Variants in TRAIP observed in about 807,000 individuals in gnomAD.
TRAIP encodes the protein TRAF interacting protein.
A neutral mutation model predicts 65.0 loss-of-function variants in TRAIP; 37 were observed. That is an observed-to-expected ratio of 0.57 (90% confidence interval 0.44 to 0.75). The LOEUF is 0.75. Ranked by LOEUF, TRAIP falls within the 30% of genes least tolerant of loss-of-function variation. TRAIP has a pLI of 0.00. For synonymous variants in TRAIP, 187 were observed against 219.1 expected (o/e 0.85, Z 1.29); for missense variants, 481 against 579.4 (o/e 0.83, Z 1.74).
intron 1 of TRAIP, among the ~76,000 whole-genome samples, chr3:49,853,834 G>A (rs1426070605): frequency 6.6e-6 from 1 of 151,758 alleles, no homozygotes; most frequent in East Asian, 1.9e-4. Context: ...GCCACAGAAC[G>A]AGACTCCATC....
chr3:49,836,009 C>T (rs1238358801), intron 10 of TRAIP, among the ~76,000 whole-genome samples: 1 of 151,264 alleles, frequency 6.6e-6, no homozygotes, highest in Admixed American at 6.6e-5. Flanking sequence ...GTCATCCAGG[C>T]TGGAGTACAG....
In TRAIP at chr3:49,829,601, G is replaced by C; in HGVS notation, c.1236+16C>G. The C allele has an allele frequency of 6.2e-7, 1 of 1,614,172 alleles. No individual in the cohort carries two copies. The highest frequency in any genetic ancestry group is 8.5e-7 in the Non-Finnish European group (1 of 1,180,012). On this transcript the variant is annotated intron_variant, in intron 13 of 14. Transcript: ENST00000331456. ...CAAGAGGGCTGGCTCCTGCCACTGTGGGAAGCCACACTCACCACATCTTTG... is the reference window on the plus strand; with the variant it reads ...CAAGAGGGCTGGCTCCTGCCACTGTCGGAAGCCACACTCACCACATCTTTG...
At chr3:49,856,303 G>A (rs2081969093) in intron 1 of TRAIP, 53 bp downstream of exon 1, 1 of 1,515,112 alleles carries the variant, frequency 6.6e-7, no homozygotes, top group Admixed American at 1.7e-5. Context: ...ACACCTCAAG[G>A]CCCTGAAGCG....
intron 7 of TRAIP, among the ~76,000 whole-genome samples, chr3:49,841,597 G>A (rs1430019605): frequency 1.3e-5 from 2 of 152,210 alleles, no homozygotes; most frequent in Non-Finnish European, 1.5e-5. Context: ...AATCCTATGA[G>A]GCAGGTCTAC....
intron 6 of TRAIP, 24 bp downstream of exon 6, chr3:49,842,429 T>C (rs1327700703): frequency 6.2e-7 from 1 of 1,612,272 alleles, no homozygotes; most frequent in African/African-American, 1.3e-5. Context: ...AAAGGCACAG[T>C]GCAGGACCCA....
intron 7 of TRAIP, among the ~76,000 whole-genome samples, chr3:49,841,502 T>G (rs2081839050): frequency 6.6e-6 from 1 of 152,238 alleles, no homozygotes; most frequent in Non-Finnish European, 1.5e-5. Flanking sequence ...AGGCTCTACA[T>G]ATCAATCACA....
At chr3:49,844,691 G>C in intron 3 of TRAIP, 111 bp from the exon 4 acceptor site, 1 of 1,241,260 alleles carries the variant, frequency 8.1e-7, no homozygotes, top group Non-Finnish European at 1.2e-6. Context: ...GCCTTCTAGG[G>C]CATGAATCCT....
chr3:49,835,344 C>A (rs966555335), intron 10 of TRAIP, among the ~76,000 whole-genome samples: 3 of 152,198 alleles, frequency 2.0e-5, no homozygotes, highest in Middle Eastern at 3.4e-3. Context: ...TGTATGAGTC[C>A]ACTTATATGA....
Position 49,842,457 on chromosome 3 carries a change from C to A in TRAIP, c.499G>T (p.Glu167Ter). ...AGGACCCAGCTCCAAACTCACTGCT[C>A]CATGGTCTTCATCTTGCTCCTGAGC... ...RRLRSKMKTMEQIELLLQSQR... is the reference protein window; with the variant it reads ...RRLRSKMKTM Residue 167 changes from glutamate to a stop codon, truncating the protein, a stop_gained, in exon 6 of 15, where the codon GAG (glutamate) becomes TAG (stop). Transcript: ENST00000331456. LOFTEE classifies it high-confidence loss of function. 1 of 1,613,938 alleles carries A rather than the reference C, an allele frequency of 6.2e-7. No homozygotes were observed. The highest frequency in any genetic ancestry group is 8.5e-7 in the Non-Finnish European group (1 of 1,179,980).
chr3:49,844,418 G>T, intron 4 of TRAIP, 123 bp downstream of exon 4: 1 of 1,052,156 alleles, frequency 9.5e-7, no homozygotes, highest in Non-Finnish European at 1.4e-6. Context: ...AGGACTCTTG[G>T]ACATACAAAG....
rs373088144 is a variant in TRAIP at position 49,831,502 on chromosome 3, T to TG, written c.1037+413dup. 8.8e-3 allele frequency among the ~76,000 whole-genome samples: 1,333 copies of TG among 152,306 alleles called. 20 individuals are homozygous for TG. Among genetic ancestry groups the TG allele is most frequent in the African/African-American group, 0.031 (1,278 of 41,558 alleles). On this transcript the variant is annotated intron_variant, in intron 11 of 14. Coordinates refer to ENST00000331456, the MANE Select transcript of TRAIP (RefSeq NM_005879.3). ...GTCACCCCCTTGGGTGGTAAGGCCT[T>TG]GGGCTCTGTGGTTTGAGATGATCCT...
chr3:49,838,672 G>C (rs2081809052), intron 10 of TRAIP, among the ~76,000 whole-genome samples: 1 of 152,100 alleles, frequency 6.6e-6, no homozygotes, highest in Admixed American at 6.5e-5. Flanking sequence ...GATTGCTTGA[G>C]GTCAGGAGTT....
chr3:49,844,702 G>A, intron 3 of TRAIP, 122 bp from the exon 4 acceptor site: 1 of 1,089,504 alleles, frequency 9.2e-7, no homozygotes, highest in Non-Finnish European at 1.4e-6. Context: ...CATGAATCCT[G>A]CAGTGCCTCA....
intron 10 of TRAIP, among the ~76,000 whole-genome samples, chr3:49,835,491 T>C (rs2081774935): frequency 6.6e-6 from 1 of 152,170 alleles, no homozygotes; most frequent in East Asian, 1.9e-4. Flanking sequence ...TGGAGTGGGA[T>C]GGTGGTGATG....
At chr3:49,852,481 C>T (rs188676628) in intron 1 of TRAIP, among the ~76,000 whole-genome samples, 13 of 147,282 alleles carry the variant, frequency 8.8e-5, no homozygotes, top group African/African-American at 1.5e-4. Flanking sequence ...CACGGCCAGG[C>T]GCGGTGGCTC....
intron 3 of TRAIP, among the ~76,000 whole-genome samples, chr3:49,845,715 C>T (rs1263662823): frequency 6.6e-6 from 1 of 152,234 alleles, no homozygotes; most frequent in East Asian, 1.9e-4. Flanking sequence ...CAAGCCCTTG[C>T]TCCAAACTAC....
At chr3:49,837,881 C>A (rs2081802656) in intron 10 of TRAIP, among the ~76,000 whole-genome samples, 2 of 137,598 alleles carry the variant, frequency 1.5e-5, no homozygotes, top group South Asian at 4.7e-4. Flanking sequence ...CACGCCCGGA[C>A]TTTTTTTTTT....
At chr3:49,832,827 T>C (rs539271238) in intron 10 of TRAIP, among the ~76,000 whole-genome samples, 3 of 150,180 alleles carry the variant, frequency 2.0e-5, no homozygotes, top group Non-Finnish European at 4.4e-5. Flanking sequence ...AGGAGAACCC[T>C]GGGGAATGGC....
intron 3 of TRAIP, 116 bp downstream of exon 3, chr3:49,847,409 A>G (rs2081893407): frequency 1.4e-6 from 1 of 740,566 alleles, no homozygotes. Flanking sequence ...AGAAAAGAAA[A>G]GAAAAGAGAA....
Sources: allele counts gnomAD v4.1 joint callset (sites outside exome capture counted in the v4.1 genomes callset), GRCh38; gene constraint gnomAD v4.1.1; transcripts MANE v1.5; gene names NCBI Gene and HGNC (gene_info 2026-07-23, HGNC 2026-07-21).